Variants in ITGAE observed in about 807,000 individuals in gnomAD.
ITGAE encodes integrin subunit alpha E, also known as integrin alpha-E.
In ITGAE, 99 loss-of-function variants were observed where a neutral mutation model predicts 136.5. That is an observed-to-expected ratio of 0.73 (90% confidence interval 0.62 to 0.86). The LOEUF (loss-of-function observed/expected upper bound fraction) is 0.86, where lower values mean the gene tolerates loss of function less well. Ranked by LOEUF, ITGAE falls within the 40% of genes least tolerant of loss-of-function variation. ITGAE has a pLI of 0.00. For missense variants in ITGAE, 1,447 were observed against 1,515.3 expected (o/e 0.95, Z 0.75); for synonymous variants, 613 against 591.8 (o/e 1.04, Z -0.52).
chr17:3,772,301 C>T (rs2052443338), intron 2 of ITGAE, among the ~76,000 whole-genome samples: 1 of 152,132 alleles, frequency 6.6e-6, no homozygotes, highest in South Asian at 2.1e-4. Context: ...CTTGTGTTTC[C>T]CTCATGAGCC....
intron 2 of ITGAE, among the ~76,000 whole-genome samples, chr17:3,768,500 C>T (rs917839918): frequency 1.7e-4 from 26 of 152,200 alleles, no homozygotes; most frequent in Non-Finnish European, 3.4e-4. Context: ...GCCCCAGTTC[C>T]TGGGTGACCA....
rs1314659155 is a variant in ITGAE, at chr17:3,757,082, GC to G, written c.1072del (p.Ala358ProfsTer12). Reference protein sequence around the residue: ...ARTARELNLIASDPDETHAFK... With the variant: ...ARTARELNLIXSDPDETHAFK... ...AGCATGGGTCTCATCCGGGTCTGAG[GC>G]GATCAGGTTCAGTTCCCTCGCAGTC... is the stretch of plus-strand genomic sequence containing the variant. On this transcript the variant is annotated frameshift_variant, in exon 10 of 31. Coordinates refer to ENST00000263087, the MANE Select transcript of ITGAE (RefSeq NM_002208.5). LOFTEE classifies it high-confidence loss of function. 1 of 1,614,188 alleles carries G rather than the reference GC, an allele frequency of 6.2e-7. No individual in the cohort carries two copies. Among genetic ancestry groups the G allele is most frequent in the Admixed American group, 1.7e-5 (1 of 60,012 alleles).
chr17:3,724,421 G>A (rs775778814), intron 26 of ITGAE: 4 of 1,612,746 alleles, frequency 2.5e-6, no homozygotes, highest in Admixed American at 3.3e-5. Flanking sequence ...GCGACGAGCT[G>A]GGCATCAGTG....
At chr17:3,747,542 C>T (rs1046457300) in intron 17 of ITGAE, among the ~76,000 whole-genome samples, 3 of 152,216 alleles carry the variant, frequency 2.0e-5, no homozygotes, top group East Asian at 1.9e-4. Flanking sequence ...ATCTCCTGAC[C>T]GCGTGATCTG....
intron 26 of ITGAE, chr17:3,725,507 C>T: frequency 6.2e-7 from 1 of 1,614,188 alleles, no homozygotes; most frequent in South Asian, 1.1e-5. Context: ...TCAATGGATC[C>T]CATCAGAAAA....
intron 1 of ITGAE, among the ~76,000 whole-genome samples, chr17:3,784,913 C>T (rs1368872566): frequency 6.6e-6 from 1 of 152,122 alleles, no homozygotes; most frequent in Non-Finnish European, 1.5e-5. Flanking sequence ...AGGCAGATTG[C>T]TTAAGCTCAG....
At chr17:3,779,234 T>A (rs1183700426) in intron 1 of ITGAE, among the ~76,000 whole-genome samples, 1 of 152,214 alleles carries the variant, frequency 6.6e-6, no homozygotes, top group South Asian at 2.1e-4. Flanking sequence ...TATGTAAATA[T>A]TACCTTAAAG....
chr17:3,767,918 A>G (rs1311395237), intron 2 of ITGAE, among the ~76,000 whole-genome samples: 1 of 152,074 alleles, frequency 6.6e-6, no homozygotes, highest in Admixed American at 6.6e-5. Flanking sequence ...TGCAGGCTTG[A>G]GGAGGAGGAG....
intron 15 of ITGAE, 139 bp from the exon 16 acceptor site, chr17:3,750,621 G>T (rs1405259611): frequency 4.0e-6 from 4 of 992,976 alleles, no homozygotes; most frequent in African/African-American, 1.6e-5. Flanking sequence ...CAGGAAAGAG[G>T]GAGCAAGCTT....
chr17:3,753,145 C>CGCCCAGCCG, intron 14 of ITGAE, 145 bp downstream of exon 14: 1 of 808,534 alleles, frequency 1.2e-6, no homozygotes, highest in East Asian at 2.7e-5. Flanking sequence ...GCCGCTGCCC[C>CGCCCAGCCG]GCCCAGCCGC....
intron 30 of ITGAE, 119 bp from the exon 31 acceptor site, chr17:3,715,061 A>T (rs980806156): frequency 1.6e-6 from 1 of 626,364 alleles, no homozygotes; most frequent in Non-Finnish European, 2.8e-6. Flanking sequence ...CATACTTACT[A>T]CTCCCTTCTC....
chr17:3,801,033 T>C, intron 1 of ITGAE, 78 bp downstream of exon 1: 2 of 1,507,754 alleles, frequency 1.3e-6, no homozygotes, highest in Non-Finnish European at 1.8e-6. Flanking sequence ...AGACAGACAG[T>C]CAAGGCTGTA....
rs927651836 is a variant in ITGAE, at chr17:3,757,268, T to C, written c.1021-134A>G. 4.4e-6 allele frequency: 5 copies of C among 1,140,806 alleles called. No homozygotes were observed. In the Admixed American group the frequency reaches 7.0e-5, roughly 16 times the overall value. 70.7% of individuals were successfully genotyped at this position (1,140,806 alleles called of 1,614,324 possible). The stretch of plus-strand genomic sequence containing the variant: ...CTTCCTTCCTTTCTCCTCCTTTCCC[T>C]GCTCCCTGTTCTACCCATACTCTGG... On this transcript the variant is annotated intron_variant, in intron 9 of 30. Transcript: ENST00000263087.
intron 2 of ITGAE, among the ~76,000 whole-genome samples, chr17:3,769,367 C>T (rs1329979058): frequency 1.3e-5 from 2 of 151,400 alleles, no homozygotes; most frequent in African/African-American, 2.4e-5. Context: ...CTGGACTGCG[C>T]GTTCCCAGGA....
At position 3,757,781 on chromosome 17, in the gene ITGAE, T is replaced by C. The variant is rs1193566272; in HGVS notation, c.945A>G (p.Ile315Met). 6.2e-7 allele frequency: 1 copy of C among 1,614,162 alleles called. No individual in the cohort carries two copies. Among genetic ancestry groups the C allele is most frequent in the Admixed American group, 1.7e-5 (1 of 60,006 alleles). Residue 315 changes from isoleucine to methionine, a missense_variant, in exon 9 of 31, where the codon ATA becomes ATG. Ile to Met is a conservative substitution (Grantham distance 10, BLOSUM62 1). Around this residue, in one of 3 missense-constraint regions of ITGAE, gnomAD observed 310 missense variants for 416.1 expected, o/e 0.74. Transcript: ENST00000263087. ...TCGTAAGGTTGAGGGGGTCCTCGAA[T>C]ATGCCACCATCGGTGAGCACCACCA... ...KVMVVLTDGG[I>M]FEDPLNLTTV...
intron 26 of ITGAE, chr17:3,725,565 C>T (rs775853232): frequency 6.2e-7 from 1 of 1,614,232 alleles, no homozygotes; most frequent in Non-Finnish European, 8.5e-7. Flanking sequence ...AGAGTTGAGC[C>T]TCTTATCCGG....
chr17:3,724,980 T>A (rs1271502090), intron 26 of ITGAE: 1 of 1,614,038 alleles, frequency 6.2e-7, no homozygotes, highest in Non-Finnish European at 8.5e-7. Context: ...AACGGAAACC[T>A]CTCTCCTCCA....
chr17:3,721,699 T>C (rs988299534), intron 28 of ITGAE: 2 of 152,222 alleles, frequency 1.3e-5, no homozygotes, highest in South Asian at 4.1e-4. Context: ...CTTGATCACT[T>C]GATCACTAGT....
chr17:3,795,967 G>A (rs554055674), intron 1 of ITGAE, among the ~76,000 whole-genome samples: 4 of 129,400 alleles, frequency 3.1e-5, no homozygotes, highest in African/African-American at 6.2e-5. Flanking sequence ...CTGTGTGTGC[G>A]TGTGTGCATC....
Sources: gnomAD v4.1 joint callset for allele counts (sites outside exome capture counted in the v4.1 genomes callset) on GRCh38, gnomAD v4.1.1 for gene constraint, gnomAD v4.1.1 regional missense constraint, MANE v1.5 for transcripts, NCBI Gene and HGNC (gene_info 2026-07-23, HGNC 2026-07-21) for gene names.